The following NVL variants were observed in gnomAD, a reference collection of about 807,000 sequenced individuals.
The protein encoded by NVL is nuclear VCP like.
A neutral mutation model predicts 110.2 loss-of-function variants in NVL; 84 were observed. The ratio of observed to expected loss-of-function variants is 0.76; its 90% CI spans 0.64 to 0.91. The LOEUF is 0.91. Ranked by LOEUF, NVL falls within the 40% of genes least tolerant of loss-of-function variation. NVL has a pLI of 0.00. For missense variants in NVL, 882 were observed against 1,035.9 expected (o/e 0.85, Z 2.04); for synonymous variants, 354 against 361.1 (o/e 0.98, Z 0.22).
intron 18 of NVL, among the ~76,000 whole-genome samples, chr1:224,254,064 A>G (rs938088259): frequency 6.6e-6 from 1 of 152,180 alleles, no homozygotes; most frequent in African/African-American, 2.4e-5. Context: ...ACTGACAAAG[A>G]AAAATGGTAT....
At chr1:224,227,801 G>GT in intron 22 of NVL, 131 bp from the exon 23 acceptor site, 1 of 692,744 alleles carries the variant, frequency 1.4e-6, no homozygotes, top group East Asian at 3.1e-5. Context: ...TGGAGAGAGG[G>GT]TCTTTATAGA....
chr1:224,288,838 T>C (rs560950107), intron 13 of NVL, among the ~76,000 whole-genome samples: 7 of 152,318 alleles, frequency 4.6e-5, no homozygotes, highest in Admixed American at 1.3e-4. Flanking sequence ...AAATGATATA[T>C]ATATTGAATT....
At chr1:224,294,524 A>G in intron 11 of NVL, 113 bp from the exon 12 acceptor site, 1 of 1,034,442 alleles carries the variant, frequency 9.7e-7, no homozygotes, top group Non-Finnish European at 1.4e-6. Context: ...TGACAGCAAC[A>G]TACATATAAA....
At chr1:224,316,824 A>C (rs532662888) in intron 4 of NVL, among the ~76,000 whole-genome samples, 2 of 152,110 alleles carry the variant, frequency 1.3e-5, no homozygotes, top group Non-Finnish European at 2.9e-5. Context: ...GTCAAAACTT[A>C]ACAAATTGTA....
At chr1:224,317,832 G>T in intron 3 of NVL, 39 bp from the exon 4 acceptor site, 1 of 1,551,992 alleles carries the variant, frequency 6.4e-7, no homozygotes, top group Non-Finnish European at 8.8e-7. Context: ...TAAAACAATC[G>T]TTTGTATAAC....
intron 19 of NVL, among the ~76,000 whole-genome samples, chr1:224,249,904 T>C (rs1403265244): frequency 6.6e-6 from 1 of 152,232 alleles, no homozygotes; most frequent in Non-Finnish European, 1.5e-5. Flanking sequence ...TGGCTAATTT[T>C]TTCTATCTTT....
At chr1:224,306,317 A>C (rs1668907185) in intron 6 of NVL, among the ~76,000 whole-genome samples, 1 of 151,954 alleles carries the variant, frequency 6.6e-6, no homozygotes, top group African/African-American at 2.4e-5. Context: ...CCCAGGATGG[A>C]GTGCAGTGGC....
Position 224,303,156 on chromosome 1 carries a change from C to T in NVL, c.960+567G>A, listed in dbSNP as rs149445230. On this transcript the variant is annotated intron_variant, in intron 9 of 22. Coordinates refer to ENST00000281701, the MANE Select transcript of NVL (RefSeq NM_002533.4). ...TTGTTTAAAACCGTATTATTATGGCCGGGTGCGATGACTCACACCTGTAAT... is the reference window on the plus strand; with the variant it reads ...TTGTTTAAAACCGTATTATTATGGCTGGGTGCGATGACTCACACCTGTAAT... 4.6e-3 allele frequency: 748 copies of T among 164,210 alleles called. 10 individuals are homozygous for T. Among genetic ancestry groups the T allele is most frequent in the Non-Finnish European group, 4.8e-3 (354 of 74,200 alleles). 10.2% of individuals were successfully genotyped at this position (164,210 alleles called of 1,614,324 possible).
At chr1:224,259,038 T>C (rs1475767765) in intron 18 of NVL, among the ~76,000 whole-genome samples, 1 of 135,388 alleles carries the variant, frequency 7.4e-6, no homozygotes, top group Non-Finnish European at 1.6e-5. Flanking sequence ...AGGCTGGAGA[T>C]GAGAAAAGGA....
intron 19 of NVL, among the ~76,000 whole-genome samples, chr1:224,237,758 T>C (rs1660657855): frequency 9.0e-6 from 1 of 110,798 alleles, no homozygotes. Flanking sequence ...ACAGTCTCGC[T>C]CTGGAGTGCA....
chr1:224,305,135 T>A lies in NVL; in HGVS notation c.647A>T (p.Asp216Val). 1.2e-6 allele frequency: 2 copies of A among 1,613,360 alleles called. No individual in the cohort carries two copies. Among genetic ancestry groups the A allele is most frequent in the Non-Finnish European group, 1.7e-6 (2 of 1,179,816 alleles). The change falls in exon 7 of 23, where the codon GAT becomes GTT. Residue 216 changes from aspartate (D) to valine (V), a missense_variant. Asp to Val is a radical substitution (Grantham distance 152). Coordinates refer to ENST00000281701, the MANE Select transcript of NVL (RefSeq NM_002533.4). ...DSKDSSLLES[D>V]MKRKGKLKNK... is the part of the protein sequence containing the mutation. Reference sequence around the variant, plus strand: ...CTTTAGCTTGCCTTTCCGTTTCATATCACTCTCCAAAAGAGAAGAATCTTT... The same window carrying A: ...CTTTAGCTTGCCTTTCCGTTTCATAACACTCTCCAAAAGAGAAGAATCTTT...
chr1:224,317,419 T>A lies in NVL; in HGVS notation c.284+275A>T, dbSNP rs991523705. Among the ~76,000 whole-genome samples the A allele has an allele frequency of 4.6e-5, 7 of 152,136 alleles. No individual in the cohort carries two copies. In the East Asian group the frequency reaches 1.2e-3, roughly 25 times the overall value. On this transcript the variant is annotated intron_variant, in intron 4 of 22. Coordinates refer to ENST00000281701, the MANE Select transcript of NVL (RefSeq NM_002533.4). Reference sequence around the variant, plus strand: ...ATTTAAAAAGGGGTCTTAGGCCTAATAAAGGCAGTAACATTTCAACTGATT... The same window carrying A: ...ATTTAAAAAGGGGTCTTAGGCCTAAAAAAGGCAGTAACATTTCAACTGATT...
At chr1:224,262,312 G>A (rs950603090) in intron 18 of NVL, among the ~76,000 whole-genome samples, 1 of 151,876 alleles carries the variant, frequency 6.6e-6, no homozygotes, top group African/African-American at 2.4e-5. Context: ...TCCCAGCTAG[G>A]TTACTAATCA....
At chr1:224,295,382 A>G (rs1667779852) in intron 11 of NVL, among the ~76,000 whole-genome samples, 1 of 151,656 alleles carries the variant, frequency 6.6e-6, no homozygotes, top group South Asian at 2.1e-4. Flanking sequence ...TTTATTTTTT[A>G]GTAGAGACAG....
intron 18 of NVL, among the ~76,000 whole-genome samples, chr1:224,267,503 C>A (rs1206218097): frequency 6.6e-6 from 1 of 152,034 alleles, no homozygotes; most frequent in African/African-American, 2.4e-5. Context: ...GCCTGGCCAA[C>A]ATGGCGAAAC....
chr1:224,305,352 T>C, intron 6 of NVL, 186 bp from the exon 7 acceptor site: 1 of 572,538 alleles, frequency 1.7e-6, no homozygotes, highest in African/African-American at 1.9e-5. Context: ...CTCATTCCCT[T>C]AAAGCTCAGT....
At chr1:224,284,627 G>A (rs1026239809) in intron 15 of NVL, among the ~76,000 whole-genome samples, 2 of 152,032 alleles carry the variant, frequency 1.3e-5, no homozygotes, top group Non-Finnish European at 2.9e-5. Context: ...TGATCCACCC[G>A]CCTCGGCCTC....
chr1:224,265,469 A>G (rs1217735963), intron 18 of NVL, among the ~76,000 whole-genome samples: 3 of 152,166 alleles, frequency 2.0e-5, no homozygotes, highest in African/African-American at 4.8e-5. Flanking sequence ...ACACCACTGC[A>G]CTCCAGCCTG....
At chr1:224,299,965 T>A (rs1329420481) in intron 10 of NVL, among the ~76,000 whole-genome samples, 1 of 152,232 alleles carries the variant, frequency 6.6e-6, no homozygotes, top group Non-Finnish European at 1.5e-5. Context: ...CTTTTCACCA[T>A]TTTTTAGTTT....
Sources: allele counts gnomAD v4.1 joint callset (sites outside exome capture counted in the v4.1 genomes callset), GRCh38; gene constraint gnomAD v4.1.1; transcripts MANE v1.5; gene names NCBI Gene and HGNC (gene_info 2026-07-23, HGNC 2026-07-21).